Variants in PDZRN4 observed in about 807,000 individuals in gnomAD.
The protein encoded by PDZRN4 is PDZ domain containing ring finger 4.
Under a neutral mutation model 99.0 loss-of-function variants are expected in PDZRN4, and 70 were observed. That is an observed-to-expected ratio of 0.71 (90% CI 0.58 to 0.86). PDZRN4 has a LOEUF of 0.86. PDZRN4 is among the 40% of genes least tolerant of loss of function. PDZRN4 has a pLI of 0.00. For missense variants in PDZRN4, 1,474 were observed against 1,331.2 expected (o/e 1.11, Z -1.67); for synonymous variants, 551 against 501.6 (o/e 1.10, Z -1.32).
intron 3 of PDZRN4, among the ~76,000 whole-genome samples, chr12:41,404,974 T>C (rs1004087554): frequency 6.6e-6 from 1 of 152,010 alleles, no homozygotes; most frequent in Non-Finnish European, 1.5e-5. Flanking sequence ...CAAAAAGTAA[T>C]TAAAGATTTA....
chr12:41,219,785 A>G (rs552713433), intron 3 of PDZRN4, among the ~76,000 whole-genome samples: 2 of 152,280 alleles, frequency 1.3e-5, no homozygotes, highest in South Asian at 2.1e-4. Context: ...CATATCTCAA[A>G]GCTGTGTTAT....
chr12:41,317,330 G>A (rs1175927841), intron 3 of PDZRN4, among the ~76,000 whole-genome samples: 9 of 151,894 alleles, frequency 5.9e-5, no homozygotes, highest in African/African-American at 2.2e-4. Context: ...TTGGAAGTCA[G>A]TCTGAAGGTA....
chr12:41,216,224 A>T (rs1040577559), intron 3 of PDZRN4, among the ~76,000 whole-genome samples: 7 of 152,052 alleles, frequency 4.6e-5, no homozygotes, highest in African/African-American at 1.7e-4. Flanking sequence ...AATAATGAGT[A>T]ATCTAAATGT....
intron 3 of PDZRN4, among the ~76,000 whole-genome samples, chr12:41,213,270 G>T (rs942569950): frequency 6.6e-6 from 1 of 152,034 alleles, no homozygotes; most frequent in Non-Finnish European, 1.5e-5. Context: ...ATGGAAGTGG[G>T]AGGCTGGCTA....
At chr12:41,318,060 C>T (rs906507767) in intron 3 of PDZRN4, among the ~76,000 whole-genome samples, 1 of 152,008 alleles carries the variant, frequency 6.6e-6, no homozygotes, top group Non-Finnish European at 1.5e-5. Context: ...CATTAATGTA[C>T]TTTTCATGAA....
At chr12:41,284,829 C>T (rs1162268160) in intron 3 of PDZRN4, among the ~76,000 whole-genome samples, 1 of 152,050 alleles carries the variant, frequency 6.6e-6, no homozygotes, top group African/African-American at 2.4e-5. Flanking sequence ...AACTGGACCC[C>T]TTGCTTACAC....
Position 41,560,328 on chromosome 12 carries a change from C to CT in PDZRN4, c.1366-3219dup, listed in dbSNP as rs1276736947. ...ATGGAAGAGAAAAGCTATATTACAT[C>CT]TCATTTCTAAGCTTTTAGGGCTTTA... On this transcript the variant is annotated intron_variant, in intron 7 of 9. Transcript: ENST00000402685. Among the ~76,000 whole-genome samples, 2 of 152,084 alleles carry CT rather than the reference C, an allele frequency of 1.3e-5. 1 individual carries two copies. The highest frequency in any genetic ancestry group is 1.3e-4 in the Admixed American group (2 of 15,258).
chr12:41,453,116 T>C (rs1378356778), intron 3 of PDZRN4, among the ~76,000 whole-genome samples: 1 of 152,022 alleles, frequency 6.6e-6, no homozygotes, highest in Non-Finnish European at 1.5e-5. Context: ...CCTGGAGGAG[T>C]GAGCATAGCT....
chr12:41,305,607 C>A (rs1396952765), intron 3 of PDZRN4, among the ~76,000 whole-genome samples: 1 of 151,866 alleles, frequency 6.6e-6, no homozygotes, highest in East Asian at 1.9e-4. Context: ...GGGCACTAAC[C>A]CCACCATGGT....
At chr12:41,291,026 C>CT (rs1410615382) in intron 3 of PDZRN4, among the ~76,000 whole-genome samples, 2 of 151,458 alleles carry the variant, frequency 1.3e-5, no homozygotes, top group Admixed American at 1.3e-4. Context: ...TCCAAAGTTG[C>CT]TTTTTAAAAA....
chr12:41,510,779 G>A (rs948623254), intron 5 of PDZRN4, among the ~76,000 whole-genome samples: 1 of 152,068 alleles, frequency 6.6e-6, no homozygotes, highest in Admixed American at 6.6e-5. Context: ...ATCAAATAAG[G>A]AAGCTCATCT....
At chr12:41,456,233 C>A (rs1952815617) in intron 3 of PDZRN4, among the ~76,000 whole-genome samples, 1 of 152,236 alleles carries the variant, frequency 6.6e-6, no homozygotes, top group Admixed American at 6.5e-5. Flanking sequence ...GAGAACACTG[C>A]ATCCTGATAG....
chr12:41,568,016 G>A (rs1939408295), intron 9 of PDZRN4, 117 bp downstream of exon 9: 11 of 614,560 alleles, frequency 1.8e-5, no homozygotes, highest in Non-Finnish European at 2.9e-5. Context: ...TCTCTATCAT[G>A]GTAATTTTTT....
At chr12:41,498,149 CTT>C (rs1050636737) in intron 3 of PDZRN4, among the ~76,000 whole-genome samples, 16 of 151,512 alleles carry the variant, frequency 1.1e-4, no homozygotes, top group Admixed American at 3.3e-4. Flanking sequence ...CTCTCTCTCT[CTT>C]ATCAAGTCAT....
At chr12:41,213,911 T>C (rs2120705755) in intron 3 of PDZRN4, among the ~76,000 whole-genome samples, 1 of 152,080 alleles carries the variant, frequency 6.6e-6, no homozygotes, top group Admixed American at 6.6e-5. Context: ...GTCCTCTATG[T>C]CCTAATCCCT....
Position 41,429,622 on chromosome 12 carries a change from G to A in PDZRN4, c.844-76834G>A, listed in dbSNP as rs573219002. On this transcript the variant is annotated intron_variant, in intron 3 of 9. Transcript: ENST00000402685. ...GTTAAGTAGTAGATGCAGATTGTTT[G>A]GGTTTGAATCCTGGCTCCCTCATTT... is the stretch of plus-strand genomic sequence containing the variant. Among the ~76,000 whole-genome samples, 101 of 152,064 alleles carry A rather than the reference G, an allele frequency of 6.6e-4. 1 individual carries two copies. Among genetic ancestry groups the A allele is most frequent in the African/African-American group, 1.9e-3 (78 of 41,426 alleles).
intron 4 of PDZRN4, among the ~76,000 whole-genome samples, chr12:41,507,161 G>A (rs547458808): frequency 7.5e-4 from 114 of 152,220 alleles, no homozygotes; most frequent in South Asian, 1.5e-3. Context: ...TTAAAGAGAA[G>A]CTAGGAAATT....
chr12:41,287,291 G>A (rs760752114), intron 3 of PDZRN4, among the ~76,000 whole-genome samples: 4 of 152,160 alleles, frequency 2.6e-5, no homozygotes, highest in Non-Finnish European at 5.9e-5. Flanking sequence ...CATGAGCTCA[G>A]ATTTCTAACT....
intron 3 of PDZRN4, among the ~76,000 whole-genome samples, chr12:41,247,131 T>C (rs1951138361): frequency 6.6e-6 from 1 of 152,282 alleles, no homozygotes. Context: ...TAAAATTTAG[T>C]AAAGGAATTA....
Sources: allele counts gnomAD v4.1 joint callset (sites outside exome capture counted in the v4.1 genomes callset), GRCh38; gene constraint gnomAD v4.1.1; transcripts MANE v1.5; gene names NCBI Gene and HGNC (gene_info 2026-07-23, HGNC 2026-07-21).